The following TNFRSF19 variants were observed in gnomAD, a reference collection of about 807,000 sequenced individuals.
TNFRSF19 encodes the protein tumor necrosis factor receptor superfamily member 19.
A neutral mutation model predicts 46.4 loss-of-function variants in TNFRSF19; 27 were observed. That is an observed-to-expected ratio of 0.58 (90% CI 0.43 to 0.80). TNFRSF19 has a LOEUF of 0.80. Ranked by LOEUF, TNFRSF19 falls within the 30% of genes least tolerant of loss-of-function variation. The pLI is 0.00. For missense variants in TNFRSF19, 511 were observed against 530.8 expected, an observed-to-expected ratio of 0.96 and a Z score of 0.37; for synonymous variants, 204 against 205.0, an observed-to-expected ratio of 1.00 and a Z score of 0.04.
chr13:23,659,282 G>A lies in TNFRSF19; in HGVS notation c.610+68G>A. ...GGCATTTATTACTATTGTCGTGCAAGTGTTCCACAAGAGACTTGGCTGAGA... is the reference window on the plus strand; with the variant it reads ...GGCATTTATTACTATTGTCGTGCAAATGTTCCACAAGAGACTTGGCTGAGA... On this transcript the variant is annotated intron_variant, in intron 6 of 9. Transcript: ENST00000248484. This position sits in a 1 kb window ranked among gnomAD's most constrained non-coding sequence, Gnocchi z 4.9. 1.3e-6 allele frequency: 2 copies of A among 1,520,800 alleles called. No individual in the cohort carries two copies. Among genetic ancestry groups the A allele is most frequent in the Middle Eastern group, 1.8e-4 (1 of 5,682 alleles). The allele number at this position is 1,520,800 out of a possible 1,614,324, so 94.2% of individuals were successfully genotyped here. A position where few individuals can be genotyped will look rare whatever the true frequency, so the allele number is the denominator to read the frequency against.
chr13:23,576,471 G>A (rs1877964825), intron 1 of TNFRSF19, among the ~76,000 whole-genome samples: 1 of 152,064 alleles, frequency 6.6e-6, no homozygotes, highest in Non-Finnish European at 1.5e-5. Flanking sequence ...GCTCAATTGT[G>A]TGCCTGAGTT....
At chr13:23,653,925 G>A (rs1438805390) in intron 5 of TNFRSF19, among the ~76,000 whole-genome samples, 7 of 152,118 alleles carry the variant, frequency 4.6e-5, no homozygotes, top group Non-Finnish European at 1.0e-4. Context: ...AGTGTGCCTG[G>A]CAGCTGGTTC....
At chr13:23,661,583 G>A (rs1236728023) in intron 7 of TNFRSF19, among the ~76,000 whole-genome samples, 1 of 152,196 alleles carries the variant, frequency 6.6e-6, no homozygotes, top group African/African-American at 2.4e-5. Flanking sequence ...GAGTCAGGTG[G>A]TAGTTCTATT....
chr13:23,646,183 C>T (rs2138351471), intron 5 of TNFRSF19, among the ~76,000 whole-genome samples: 1 of 152,330 alleles, frequency 6.6e-6, no homozygotes, highest in Middle Eastern at 3.4e-3. Flanking sequence ...GGTCAGCGGG[C>T]AGTGATCTTT....
intron 5 of TNFRSF19, among the ~76,000 whole-genome samples, chr13:23,654,978 T>C (rs772374072): frequency 2.0e-5 from 3 of 152,220 alleles, no homozygotes; most frequent in Admixed American, 2.0e-4. Context: ...TGCTCTTGCC[T>C]TTGTCCAGTG....
Position 23,642,884 on chromosome 13 carries a change from A to C in TNFRSF19, c.445+16092A>C, listed in dbSNP as rs373001619. ...CTCCTCATTGACTAAAATCAGGTTC[A>C]TGTAAGCCAACTTTAATGTGTGTTC... On this transcript the variant is annotated intron_variant, in intron 5 of 9. Coordinates refer to ENST00000248484, the MANE Select transcript of TNFRSF19 (RefSeq NM_148957.4). Among the ~76,000 whole-genome samples the C allele has an allele frequency of 3.9e-5, 6 of 152,230 alleles. No homozygotes were observed. The East Asian group carries it at 5.8e-4, about 15-fold the overall frequency.
At chr13:23,594,325 A>G (rs1182261735) in intron 3 of TNFRSF19, 3 of 449,962 alleles carry the variant, frequency 6.7e-6, no homozygotes, top group South Asian at 1.6e-5. Context: ...TCCAACTCCC[A>G]TGGAGCCCAG....
At chr13:23,613,705 T>A (rs879915351) in intron 3 of TNFRSF19, among the ~76,000 whole-genome samples, 4 of 152,132 alleles carry the variant, frequency 2.6e-5, no homozygotes, top group Non-Finnish European at 4.4e-5. Flanking sequence ...CCCCAGAAGG[T>A]CACGTGCACC....
chr13:23,646,025 A>T (rs1359539600), intron 5 of TNFRSF19, among the ~76,000 whole-genome samples: 1 of 152,152 alleles, frequency 6.6e-6, no homozygotes, highest in Admixed American at 6.5e-5. Context: ...ACAATCCATC[A>T]GTGTATCCAA....
At chr13:23,637,159 C>T (rs959351484) in intron 5 of TNFRSF19, among the ~76,000 whole-genome samples, 3 of 152,130 alleles carry the variant, frequency 2.0e-5, no homozygotes, top group Non-Finnish European at 2.9e-5. Flanking sequence ...ATTTTAGGCC[C>T]GGGGGACACA....
chr13:23,620,543 C>T lies in TNFRSF19; in HGVS notation c.359+4498C>T, dbSNP rs549470339. On this transcript the variant is annotated intron_variant, in intron 4 of 9. Transcript: ENST00000248484. ...TCATTTAACTTCTCTGAAATGCACT[C>T]TTCTCACCTGTAAAATGACCATGCT... Among the ~76,000 whole-genome samples the T allele has an allele frequency of 5.8e-4, 88 of 152,332 alleles. 1 individual carries two copies. Among genetic ancestry groups the T allele is most frequent in the African/African-American group, 2.0e-3 (84 of 41,574 alleles).
At chr13:23,580,274 T>A (rs1022915612) in intron 1 of TNFRSF19, among the ~76,000 whole-genome samples, 3 of 152,210 alleles carry the variant, frequency 2.0e-5, no homozygotes, top group Non-Finnish European at 4.4e-5. Context: ...TTTGTTTGCA[T>A]GTTAATAAAG....
chr13:23,629,759 C>T (rs115005611), intron 5 of TNFRSF19, among the ~76,000 whole-genome samples: 1 of 152,326 alleles, frequency 6.6e-6, no homozygotes, highest in African/African-American at 2.4e-5. Context: ...GATACCTGCC[C>T]CGGGGCAAGC....
chr13:23,578,774 G>T (rs1046301383), intron 1 of TNFRSF19, among the ~76,000 whole-genome samples: 2 of 152,242 alleles, frequency 1.3e-5, no homozygotes, highest in Non-Finnish European at 2.9e-5. Context: ...CCCTGGCCCC[G>T]CCTCGCACGC....
intron 5 of TNFRSF19, among the ~76,000 whole-genome samples, chr13:23,656,265 A>G (rs1356686020): frequency 6.6e-6 from 1 of 152,192 alleles, no homozygotes; most frequent in Non-Finnish European, 1.5e-5. Flanking sequence ...ACATTACAGT[A>G]TTGTGCCCTA....
intron 4 of TNFRSF19, among the ~76,000 whole-genome samples, chr13:23,625,081 A>G (rs1881908545): frequency 6.6e-6 from 1 of 152,020 alleles, no homozygotes; most frequent in African/African-American, 2.4e-5. Flanking sequence ...TGTATTGGTA[A>G]AGAATCTGAG....
At chr13:23,587,042 C>G (rs932178190) in intron 1 of TNFRSF19, among the ~76,000 whole-genome samples, 4 of 151,900 alleles carry the variant, frequency 2.6e-5, no homozygotes, top group African/African-American at 9.7e-5. Context: ...GGTAAAAACC[C>G]CAGCATCCAG....
At chr13:23,652,889 T>C (rs1244507193) in intron 5 of TNFRSF19, among the ~76,000 whole-genome samples, 6 of 152,212 alleles carry the variant, frequency 3.9e-5, no homozygotes, top group Admixed American at 2.6e-4. Context: ...CCAGGAACCC[T>C]TATAGATGTT....
In TNFRSF19 at chr13:23,668,690, A is replaced by C. The variant is rs1405929963; in HGVS notation, c.840-2A>C. 4 of 1,610,906 alleles carry C rather than the reference A, an allele frequency of 2.5e-6. No individual in the cohort carries two copies. The highest frequency in any genetic ancestry group is 3.4e-6 in the Non-Finnish European group (4 of 1,178,458). On this transcript the variant is annotated splice_acceptor_variant, in intron 8 of 9. Transcript: ENST00000248484. LOFTEE classifies it high-confidence loss of function. ...TTTAAGTTCTTTTGAACGTGTGTGC[A>C]GAAACGCAGGCCCAGCCGGGGAGAT... is the stretch of plus-strand genomic sequence containing the variant.
Sources: gnomAD v4.1 joint callset for allele counts (sites outside exome capture counted in the v4.1 genomes callset) on GRCh38, gnomAD v4.1.1 for gene constraint, Gnocchi (gnomAD v3.1) non-coding constraint, MANE v1.5 for transcripts, NCBI Gene and HGNC (gene_info 2026-07-23, HGNC 2026-07-21) for gene names.